Variants in TRPC5 observed in about 807,000 individuals in gnomAD.
TRPC5 encodes transient receptor potential cation channel subfamily C member 5.
Under a neutral mutation model 56.5 loss-of-function variants are expected in TRPC5, and 9 were observed. The ratio of observed to expected loss-of-function variants is 0.16; its 90% confidence interval spans 0.10 to 0.28. The LOEUF is 0.28. Among genes scored for constraint, TRPC5 ranks in the 10% least tolerant of loss-of-function variants. The pLI, the probability that TRPC5 is intolerant of heterozygous loss-of-function variation, is 1.00. For missense variants in TRPC5, 469 were observed against 748.9 expected, an observed-to-expected ratio of 0.63 and a Z score of 4.36; for synonymous variants, 282 against 278.5, an observed-to-expected ratio of 1.01 and a Z score of -0.13.
intron 7 of TRPC5, among the ~76,000 whole-genome samples, chrX:111,826,290 C>T (rs1274566278): frequency 8.9e-6 from 1 of 112,339 alleles, no homozygotes; most frequent in East Asian, 2.8e-4. Flanking sequence ...CTTTATACAA[C>T]TTACAGCACC....
chrX:112,031,362 A>T (rs73266335), intron 1 of TRPC5, among the ~76,000 whole-genome samples: 1,437 of 111,827 alleles, frequency 0.013, 11 homozygotes, highest in Non-Finnish European at 0.02. Context: ...ACTCAAACCA[A>T]GGACAGGCAT....
intron 6 of TRPC5, among the ~76,000 whole-genome samples, chrX:111,846,660 G>C (rs1389056391): frequency 9.0e-6 from 1 of 111,447 alleles, no homozygotes; most frequent in Non-Finnish European, 1.9e-5. Context: ...CCTATGAATG[G>C]GGGTGCATTA....
Position 111,776,906 on chromosome X carries a change from G to A in TRPC5, c.2329C>T (p.Leu777=). The A allele has an allele frequency of 8.3e-7, 1 of 1,203,232 alleles. No homozygotes were observed. The highest frequency in any genetic ancestry group is 1.1e-6 in the Non-Finnish European group (1 of 890,662). ...TCATTATTATCGTCTCTCTGAGACA[G>A]TTCAGTGCTGCTAGTGGAAAAGCTC... ...PRSFSTSSTE[L]SQRDDNNDGS... Residue 777 remains leucine, a synonymous_variant, in exon 11 of 11, where the codon CTG becomes TTG. Transcript: ENST00000262839.
intron 1 of TRPC5, among the ~76,000 whole-genome samples, chrX:111,980,258 A>C (rs1175339724): frequency 8.9e-6 from 1 of 111,810 alleles, no homozygotes; most frequent in African/African-American, 3.2e-5. Flanking sequence ...TTTATACAAT[A>C]TTCTTGAAAA....
intron 2 of TRPC5, among the ~76,000 whole-genome samples, chrX:111,919,657 T>C (rs1389330433): frequency 8.9e-6 from 1 of 111,941 alleles, no homozygotes; most frequent in Non-Finnish European, 1.9e-5. Context: ...ATTATAAGGA[T>C]TAAATGAGAT....
At chrX:111,956,213 CCTAA>C (rs1249711347) in intron 1 of TRPC5, among the ~76,000 whole-genome samples, 3 of 112,503 alleles carry the variant, frequency 2.7e-5, no homozygotes, top group East Asian at 2.8e-4. Context: ...TGGCTTTCTA[CCTAA>C]CTAAGAAAAC....
intron 3 of TRPC5, chrX:111,901,617 CAA>C (rs755623871): frequency 6.9e-6 from 2 of 289,311 alleles, no homozygotes; most frequent in African/African-American, 5.5e-5. Flanking sequence ...TTAGTACAAA[CAA>C]GAGTACCATA....
chrX:111,897,462 C>T (rs1395612482), intron 3 of TRPC5, among the ~76,000 whole-genome samples: 1 of 111,163 alleles, frequency 9.0e-6, no homozygotes, highest in Non-Finnish European at 1.9e-5. Context: ...CACGCATTCT[C>T]CTGTGTAACC....
intron 2 of TRPC5, among the ~76,000 whole-genome samples, chrX:111,947,133 T>A (rs1165084025): frequency 9.0e-6 from 1 of 111,389 alleles, no homozygotes; most frequent in East Asian, 2.8e-4. Context: ...AGGGCTGATA[T>A]ATCCTCCATT....
In TRPC5 at chrX:111,768,876, A is replaced by C. The variant is rs1294164343; in HGVS notation, c.*7437T>G. 1.8e-5 allele frequency among the ~76,000 whole-genome samples: 2 copies of C among 111,677 alleles called. No individual in the cohort carries two copies. Among genetic ancestry groups the C allele is most frequent in the Non-Finnish European group, 3.8e-5 (2 of 53,063 alleles). On this transcript the variant is annotated 3_prime_UTR_variant, in exon 11 of 11. Transcript: ENST00000262839. ...CCCACGTACACTAAGCACAGTTATC[A>C]CTGATTTATTGGACTACAGGTTACT...
At chrX:111,825,498 T>G (rs112600803) in intron 7 of TRPC5, among the ~76,000 whole-genome samples, 7,015 of 109,688 alleles carry the variant, frequency 0.064, 516 homozygotes, top group African/African-American at 0.21. Context: ...TCTCAAGTGA[T>G]CCACCTACCT....
At chrX:112,003,019 CCT>C (rs377074000) in intron 1 of TRPC5, among the ~76,000 whole-genome samples, 40 of 111,284 alleles carry the variant, frequency 3.6e-4, no homozygotes, top group African/African-American at 1.2e-3. Flanking sequence ...ATAACTGCCC[CCT>C]CTCCCTGGAG....
chrX:111,901,830 AT>A, intron 3 of TRPC5: 1 of 1,087,260 alleles, frequency 9.2e-7, no homozygotes, highest in Non-Finnish European at 1.2e-6. Context: ...TATTTTATCT[AT>A]TTAGAAGAGC....
At chrX:111,781,719 A>G (rs186311281) in intron 8 of TRPC5, among the ~76,000 whole-genome samples, 2 of 110,718 alleles carry the variant, frequency 1.8e-5, no homozygotes, top group Admixed American at 1.9e-4. Context: ...GCGAGACGCC[A>G]TCTCAAAAAG....
intron 3 of TRPC5, among the ~76,000 whole-genome samples, chrX:111,889,266 A>C (rs1166524700): frequency 9.0e-6 from 1 of 111,346 alleles, no homozygotes; most frequent in African/African-American, 3.3e-5. Context: ...TTAGCAATGC[A>C]GAAGTCATTG....
In TRPC5 at chrX:111,770,967, G is replaced by C. The variant is rs1355909303; in HGVS notation, c.*5346C>G. Among the ~76,000 whole-genome samples the C allele has an allele frequency of 2.7e-5, 3 of 112,052 alleles. No homozygotes were observed. The highest frequency in any genetic ancestry group is 5.6e-5 in the Non-Finnish European group (3 of 53,201). ...ATGTATGTAAGCTCCTGGGATGTTAGGTTGCCCCAAAACCTGCTAAAGTCA... is the reference window on the plus strand; with the variant it reads ...ATGTATGTAAGCTCCTGGGATGTTACGTTGCCCCAAAACCTGCTAAAGTCA... On this transcript the variant is annotated 3_prime_UTR_variant, in exon 11 of 11. Transcript: ENST00000262839.
intron 2 of TRPC5, among the ~76,000 whole-genome samples, chrX:111,944,303 T>TGTGTGTGTGTGAGA (rs1173179815): frequency 8.1e-5 from 5 of 61,382 alleles, no homozygotes; most frequent in African/African-American, 4.2e-4. Context: ...TGTGTGTGTG[T>TGTGTGTGTGTGAGA]GAGAGAGAGA....
intron 7 of TRPC5, among the ~76,000 whole-genome samples, chrX:111,816,569 C>T (rs1488777938): frequency 2.7e-5 from 3 of 112,120 alleles, no homozygotes; most frequent in South Asian, 3.8e-4. Flanking sequence ...TTAAAATTCA[C>T]GATTTCTCAT....
chrX:111,825,518 A>G (rs1219813126), intron 7 of TRPC5, among the ~76,000 whole-genome samples: 1 of 110,551 alleles, frequency 9.0e-6, no homozygotes. Flanking sequence ...TCAGCCTCAC[A>G]AAGTGCTGAG....
Sources: gnomAD v4.1 joint callset for allele counts (sites outside exome capture counted in the v4.1 genomes callset) on GRCh38, gnomAD v4.1.1 for gene constraint, MANE v1.5 for transcripts, NCBI Gene and HGNC (gene_info 2026-07-23, HGNC 2026-07-21) for gene names.